The following FBXL20 variants were observed in gnomAD, a reference collection of about 807,000 sequenced individuals.
FBXL20 encodes the protein F-box and leucine rich repeat protein 20.
In FBXL20, 11 loss-of-function variants were observed where a neutral mutation model predicts 64.0. The ratio of observed to expected loss-of-function variants is 0.17; its 90% CI spans 0.11 to 0.28. The LOEUF (loss-of-function observed/expected upper bound fraction) is 0.28. Ranked by LOEUF, FBXL20 falls within the 10% of genes least tolerant of loss-of-function variation. FBXL20 has a pLI of 1.00. For synonymous variants in FBXL20, 184 were observed against 189.0 expected (o/e 0.97, Z 0.22); for missense variants, 303 against 526.2 (o/e 0.58, Z 4.15).
intron 1 of FBXL20, among the ~76,000 whole-genome samples, chr17:39,353,224 T>G (rs2047704204): frequency 1.3e-5 from 2 of 152,320 alleles, no homozygotes; most frequent in South Asian, 4.1e-4. Context: ...CATATGCAGC[T>G]AAACTTAGTA....
chr17:39,284,995 T>G (rs2046976887), intron 7 of FBXL20, among the ~76,000 whole-genome samples: 1 of 152,040 alleles, frequency 6.6e-6, no homozygotes, highest in Non-Finnish European at 1.5e-5. Flanking sequence ...TGGAGTGCAA[T>G]GGTGTGCTCT....
At chr17:39,348,994 G>A (rs1229696747) in intron 1 of FBXL20, among the ~76,000 whole-genome samples, 2 of 152,014 alleles carry the variant, frequency 1.3e-5, no homozygotes, top group Non-Finnish European at 2.9e-5. Flanking sequence ...GTTCATGCCT[G>A]TAATCCCAGC....
chr17:39,374,037 C>T (rs992742175), intron 1 of FBXL20, among the ~76,000 whole-genome samples: 1 of 151,954 alleles, frequency 6.6e-6, no homozygotes, highest in African/African-American at 2.4e-5. Flanking sequence ...GCCTGGCCAA[C>T]ATGGCTAGAC....
intron 2 of FBXL20, among the ~76,000 whole-genome samples, chr17:39,312,346 G>A (rs900852488): frequency 1.1e-4 from 16 of 151,062 alleles, no homozygotes; most frequent in African/African-American, 2.7e-4. Context: ...CCCAGGTGAT[G>A]GAGGTTGCAG....
intron 2 of FBXL20, among the ~76,000 whole-genome samples, chr17:39,323,406 CTTG>C (rs1487501808): frequency 1.3e-5 from 2 of 152,072 alleles, no homozygotes; most frequent in Non-Finnish European, 2.9e-5. Context: ...AGCATATATT[CTTG>C]TTGAAGAAAA....
At chr17:39,270,042 T>C (rs1200588488) in intron 11 of FBXL20, among the ~76,000 whole-genome samples, 1 of 152,218 alleles carries the variant, frequency 6.6e-6, no homozygotes, top group African/African-American at 2.4e-5. Flanking sequence ...TTTTAAATAT[T>C]ATCATATAGT....
At position 39,255,650 on chromosome 17, in the gene FBXL20, C is replaced by G. The variant is rs1489413935; in HGVS notation, c.*5810G>C. The G allele has an allele frequency of 6.6e-6, 1 of 151,494 alleles. No individual in the cohort carries two copies. Among genetic ancestry groups the G allele is most frequent in the African/African-American group, 2.4e-5 (1 of 41,162 alleles). 9.4% of individuals were successfully genotyped at this position (151,494 alleles called of 1,614,324 possible). ...CCTGAGGTTGGGAGTTTGAAACCAG[C>G]CTGACCAACATGGTGAAACCCCGTC... On this transcript the variant is annotated 3_prime_UTR_variant, in exon 15 of 15. Coordinates refer to ENST00000264658, the MANE Select transcript of FBXL20 (RefSeq NM_032875.3).
At position 39,258,076 on chromosome 17, in the gene FBXL20, G is replaced by A. The variant is rs1021006706; in HGVS notation, c.*3384C>T. 1 of 152,094 alleles carries A rather than the reference G, an allele frequency of 6.6e-6. No individual in the cohort carries two copies. The highest frequency in any genetic ancestry group is 1.5e-5 in the Non-Finnish European group (1 of 68,012). 9.4% of individuals were successfully genotyped at this position (152,094 alleles called of 1,614,324 possible). On this transcript the variant is annotated 3_prime_UTR_variant, in exon 15 of 15. Coordinates refer to ENST00000264658, the MANE Select transcript of FBXL20 (RefSeq NM_032875.3). ...TAGGTTTACGGCAGTAGTTTTGAGGGTACCTTCTAACTTATCCCCAAATCT... is the reference window on the plus strand; with the variant it reads ...TAGGTTTACGGCAGTAGTTTTGAGGATACCTTCTAACTTATCCCCAAATCT...
In FBXL20 at chr17:39,256,942, G is replaced by A. The variant is rs1237943373; in HGVS notation, c.*4518C>T. ...TCACATATTTTGTTTAGTCCCCCAT[G>A]GCATTAGTGGGCTATCAAACTAGTA... On this transcript the variant is annotated 3_prime_UTR_variant, in exon 15 of 15. Transcript: ENST00000264658. The A allele has an allele frequency of 6.6e-6, 1 of 152,044 alleles. No individual in the cohort carries two copies. The highest frequency in any genetic ancestry group is 2.4e-5 in the African/African-American group (1 of 41,384). The allele number at this position is 152,044 out of a possible 1,614,324, so 9.4% of individuals were successfully genotyped here.
At chr17:39,289,638 G>A (rs1341284800) in intron 6 of FBXL20, among the ~76,000 whole-genome samples, 1 of 151,096 alleles carries the variant, frequency 6.6e-6, no homozygotes. Flanking sequence ...GACAGAGAAA[G>A]ACCCTATCTC....
At chr17:39,367,601 G>C (rs2047873703) in intron 1 of FBXL20, among the ~76,000 whole-genome samples, 1 of 151,962 alleles carries the variant, frequency 6.6e-6, no homozygotes, top group Non-Finnish European at 1.5e-5. Flanking sequence ...ACAGGCATGA[G>C]CCACCATACC....
chr17:39,316,215 T>C (rs1385178229), intron 2 of FBXL20, among the ~76,000 whole-genome samples: 1 of 152,190 alleles, frequency 6.6e-6, no homozygotes, highest in Non-Finnish European at 1.5e-5. Context: ...AGTGTATTAA[T>C]AGAAACATAG....
At chr17:39,292,771 T>C (rs1347051185) in intron 6 of FBXL20, among the ~76,000 whole-genome samples, 1 of 151,932 alleles carries the variant, frequency 6.6e-6, no homozygotes, top group East Asian at 1.9e-4. Context: ...ATTTTCCCAC[T>C]GCTTTGCATA....
intron 10 of FBXL20, among the ~76,000 whole-genome samples, chr17:39,273,821 GA>G (rs56218843): frequency 3.9e-4 from 53 of 134,720 alleles, no homozygotes; most frequent in Admixed American, 1.1e-3. Flanking sequence ...CTCTGTTTCA[GA>G]AAAAAAAAAA....
At chr17:39,358,101 G>A (rs923412846) in intron 1 of FBXL20, among the ~76,000 whole-genome samples, 6 of 152,146 alleles carry the variant, frequency 3.9e-5, no homozygotes, top group African/African-American at 1.4e-4. Context: ...AGAAGTGGAG[G>A]TGAGGCAGTA....
At chr17:39,373,950 G>A (rs2047941344) in intron 1 of FBXL20, among the ~76,000 whole-genome samples, 5 of 152,144 alleles carry the variant, frequency 3.3e-5, no homozygotes, top group Admixed American at 2.0e-4. Context: ...GGCCGGACAC[G>A]GTGGTCCACG....
At chr17:39,312,686 G>A (rs1250434880) in intron 2 of FBXL20, among the ~76,000 whole-genome samples, 2 of 135,750 alleles carry the variant, frequency 1.5e-5, no homozygotes, top group African/African-American at 5.7e-5. Flanking sequence ...CCATTCTCCT[G>A]CCTCAGTCTC....
intron 2 of FBXL20, among the ~76,000 whole-genome samples, chr17:39,316,980 C>T (rs572300716): frequency 6.6e-6 from 1 of 152,316 alleles, no homozygotes; most frequent in East Asian, 1.9e-4. Flanking sequence ...CAGAGTGAGA[C>T]TCCATCTCAT....
At position 39,259,301 on chromosome 17, in the gene FBXL20, A is replaced by T. The variant is rs2046723802; in HGVS notation, c.*2159T>A. On this transcript the variant is annotated 3_prime_UTR_variant, in exon 15 of 15. Transcript: ENST00000264658. ...CAAGATAGCGAGACCCCATCTCTAAAAAAATAAAATAAAATAAAATAAATA... is the reference window on the plus strand; with the variant it reads ...CAAGATAGCGAGACCCCATCTCTAATAAAATAAAATAAAATAAAATAAATA... The T allele has an allele frequency of 6.6e-6, 1 of 152,096 alleles. No individual in the cohort carries two copies. Among genetic ancestry groups the T allele is most frequent in the African/African-American group, 2.4e-5 (1 of 41,510 alleles). The allele number at this position is 152,096 out of a possible 1,614,324, so 9.4% of individuals were successfully genotyped here.
Sources: gnomAD v4.1 joint callset for allele counts (sites outside exome capture counted in the v4.1 genomes callset) on GRCh38, gnomAD v4.1.1 for gene constraint, MANE v1.5 for transcripts, NCBI Gene and HGNC (gene_info 2026-07-23, HGNC 2026-07-21) for gene names.